Variants in ESR1 observed in about 807,000 individuals in gnomAD.
ESR1 encodes the protein estrogen receptor.
ESR1 carries 12 observed loss-of-function variants against 52.7 expected under a neutral mutation model. That is an observed-to-expected ratio of 0.23 (90% CI 0.15 to 0.37). ESR1 has a LOEUF of 0.37. Among genes scored for constraint, ESR1 ranks in the 10% least tolerant of loss-of-function variants. The pLI is 1.00. For missense variants in ESR1, 584 were observed against 779.7 expected, an observed-to-expected ratio of 0.75 and a Z score of 2.99; for synonymous variants, 305 against 316.8, an observed-to-expected ratio of 0.96 and a Z score of 0.39.
intron 4 of ESR1, among the ~76,000 whole-genome samples, chr6:152,002,241 A>G (rs1424461737): frequency 6.7e-6 from 1 of 148,704 alleles, no homozygotes; most frequent in Non-Finnish European, 1.5e-5. Flanking sequence ...CACTAAAACG[A>G]CAGTGTTGTC....
chr6:151,697,556 T>C (rs142888601), intron 1 of ESR1, among the ~76,000 whole-genome samples: 29 of 152,394 alleles, frequency 1.9e-4, no homozygotes, highest in African/African-American at 6.7e-4. Context: ...AAAATTATTT[T>C]CTTTGGACAA....
upstream of ESR1, among the ~76,000 whole-genome samples, chr6:151,687,598 C>T (rs117315737): frequency 4.8e-3 from 734 of 152,248 alleles, 3 homozygotes; most frequent in Middle Eastern, 0.01. Flanking sequence ...GCCTGAATCA[C>T]CCAGATCACA....
At chr6:151,679,041 A>C (rs185649708) in intron 1 of ESR1, among the ~76,000 whole-genome samples, 1 of 152,286 alleles carries the variant, frequency 6.6e-6, no homozygotes, top group East Asian at 1.9e-4. Context: ...GTCCCATGCT[A>C]TCTGACCCTT....
intron 4 of ESR1, among the ~76,000 whole-genome samples, chr6:152,009,284 G>A (rs1470575140): frequency 1.3e-5 from 2 of 152,100 alleles, no homozygotes; most frequent in Non-Finnish European, 2.9e-5. Context: ...ACACTGTCAT[G>A]AGCCTTGGCA....
chr6:151,906,377 A>G (rs983856117), intron 3 of ESR1, among the ~76,000 whole-genome samples: 2 of 152,048 alleles, frequency 1.3e-5, no homozygotes, highest in African/African-American at 2.4e-5. Flanking sequence ...AGCAGTTTAG[A>G]GTCTTGAAAT....
intron 1 of ESR1, among the ~76,000 whole-genome samples, chr6:151,662,414 A>C (rs1777669282): frequency 6.6e-6 from 1 of 152,140 alleles, no homozygotes; most frequent in Admixed American, 6.5e-5. Context: ...AGGTACCATT[A>C]TTAAAGGGGG....
chr6:152,050,298 C>T (rs2046576965), intron 5 of ESR1, among the ~76,000 whole-genome samples: 1 of 152,184 alleles, frequency 6.6e-6, no homozygotes, highest in African/African-American at 2.4e-5. Context: ...GAAGATAGCA[C>T]TGGCTTTCAG....
At chr6:151,984,273 C>T (rs1164282747) in intron 4 of ESR1, 2 of 152,074 alleles carry the variant, frequency 1.3e-5, no homozygotes, top group African/African-American at 4.8e-5. Flanking sequence ...ATTAAGGCTA[C>T]TTCCCCATCA....
At chr6:151,701,529 CAAA>C (rs57589542) in intron 1 of ESR1, among the ~76,000 whole-genome samples, 1 of 89,420 alleles carries the variant, frequency 1.1e-5, no homozygotes, top group African/African-American at 4.7e-5. Context: ...CACTACATCT[CAAA>C]AAAAAAAAAA....
exon 7 of ESR1, chr6:152,127,566 T>C (rs1394619376): frequency 1.3e-5 from 2 of 152,182 alleles, no homozygotes; most frequent in African/African-American, 4.8e-5. Context: ...TTCAAGCATG[T>C]GATAAATTTC....
At chr6:151,686,064 A>ATTTTTTTTT (rs557270210), upstream of ESR1, among the ~76,000 whole-genome samples, 282 of 114,318 alleles carry the variant, frequency 2.5e-3, 17 homozygotes, top group African/African-American at 0.01. Flanking sequence ...AATTAAAACA[A>ATTTTTTTTT]TTTTTTTTTT....
At chr6:151,985,520 A>AACAAAAAAAC (rs2040386828) in intron 4 of ESR1, among the ~76,000 whole-genome samples, 5 of 141,124 alleles carry the variant, frequency 3.5e-5, no homozygotes, top group African/African-American at 1.1e-4. Context: ...AAAAAAAAAA[A>AACAAAAAAAC]AAAAAAAAAA....
At chr6:152,020,085 G>A (rs986301791) in intron 5 of ESR1, among the ~76,000 whole-genome samples, 6 of 152,136 alleles carry the variant, frequency 3.9e-5, no homozygotes, top group East Asian at 1.9e-4. Context: ...CTCATCATTC[G>A]CATCTAGTGT....
At chr6:151,681,617 C>T (rs1461746374) in intron 1 of ESR1, among the ~76,000 whole-genome samples, 2 of 152,206 alleles carry the variant, frequency 1.3e-5, no homozygotes, top group Non-Finnish European at 2.9e-5. Context: ...TCTTCGTCCC[C>T]AATGTTACAT....
At chr6:151,824,585 C>T (rs1162758876) in intron 1 of ESR1, among the ~76,000 whole-genome samples, 2 of 152,144 alleles carry the variant, frequency 1.3e-5, no homozygotes, top group Non-Finnish European at 2.9e-5. Flanking sequence ...GGGTTTTCTT[C>T]TAGGGTTTTT....
At chr6:152,057,681 A>G (rs6941230) in intron 5 of ESR1, among the ~76,000 whole-genome samples, 33,233 of 147,862 alleles carry the variant, frequency 0.22, 5,297 homozygotes, top group African/African-American at 0.45. Flanking sequence ...CCCTAAAGGA[A>G]CATACACATG....
intron 2 of ESR1, among the ~76,000 whole-genome samples, chr6:151,753,320 T>A (rs1178374282): frequency 2.7e-5 from 1 of 36,624 alleles, no homozygotes; most frequent in Non-Finnish European, 6.9e-5. Flanking sequence ...TTTGATTGCA[T>A]TTTTTTTTTT....
At chr6:151,780,610 A>T (rs1386940563) in intron 2 of ESR1, among the ~76,000 whole-genome samples, 1 of 152,214 alleles carries the variant, frequency 6.6e-6, no homozygotes, top group Non-Finnish European at 1.5e-5. Context: ...AGGATTGAAA[A>T]ATGCTGGACT....
intron 3 of ESR1, among the ~76,000 whole-genome samples, chr6:151,896,140 G>A (rs1333233706): frequency 6.6e-6 from 1 of 152,056 alleles, no homozygotes; most frequent in African/African-American, 2.4e-5. Context: ...TGGCCTGTAG[G>A]TTTCTTTTTT....
Sources: gnomAD v4.1 joint callset for allele counts (sites outside exome capture counted in the v4.1 genomes callset) on GRCh38, gnomAD v4.1.1 for gene constraint, MANE v1.5 for transcripts, NCBI Gene and HGNC (gene_info 2026-07-23, HGNC 2026-07-21) for gene names.